Variants in CYP2C19 observed in about 807,000 individuals in gnomAD.
CYP2C19 encodes the protein cytochrome P450 family 2 subfamily C member 19, also known as cytochrome P450 2C19.
In CYP2C19, 59 loss-of-function variants were observed where a neutral mutation model predicts 40.9. That is an observed-to-expected ratio of 1.44 (90% confidence interval 1.17 to 1.79). The LOEUF (loss-of-function observed/expected upper bound fraction) is 1.79. CYP2C19 is among the 40% of genes most tolerant of loss of function. The probability of loss-of-function intolerance (pLI) is 0.00; values close to 1 mark genes in which losing one functional copy is unlikely to be tolerated. For missense variants in CYP2C19, 754 were observed against 596.9 expected, an observed-to-expected ratio of 1.26 and a Z score of -2.74; for synonymous variants, 253 against 208.7, an observed-to-expected ratio of 1.21 and a Z score of -1.83.
intron 3 of CYP2C19, 52 bp from the exon 4 acceptor site, chr10:94,780,447 T>C: frequency 1.3e-6 from 2 of 1,591,818 alleles, no homozygotes; most frequent in African/African-American, 2.7e-5. Flanking sequence ...AAATATGAAG[T>C]GTTTTATATC....
Position 94,775,179 on chromosome 10 carries a change from G to A in CYP2C19, c.290G>A (p.Arg97Lys). 1.2e-6 allele frequency: 2 copies of A among 1,614,134 alleles called. No individual in the cohort carries two copies. Among genetic ancestry groups the A allele is most frequent in the South Asian group, 1.1e-5 (1 of 91,086 alleles). ...GATCTTGGAGAGGAGTTTTCTGGAA[G>A]AGGCCATTTCCCACTGGCTGAAAGA... Reference protein sequence around the residue: ...LIDLGEEFSGRGHFPLAERAN... With the variant: ...LIDLGEEFSGKGHFPLAERAN... Residue 97 changes from arginine (R) to lysine (K), a missense_variant, in exon 2 of 9, where the codon AGA (arginine) becomes AAA (lysine). Coordinates refer to ENST00000371321, the MANE Select transcript of CYP2C19 (RefSeq NM_000769.4).
rs532092372 is a variant in CYP2C19, at chr10:94,829,203, G to A, written c.961+8566G>A. On this transcript the variant is annotated intron_variant, in intron 6 of 8. Transcript: ENST00000371321. ...TTCTCTGTATTTCCTGAATCTGAAC[G>A]TTGGCCTGCCGTGCTAGATTGGGGA... Among the ~76,000 whole-genome samples, 508 of 152,156 alleles carry A rather than the reference G, an allele frequency of 3.3e-3. 4 individuals carry two copies. Among genetic ancestry groups the A allele is most frequent in the African/African-American group, 0.012 (479 of 41,484 alleles).
intron 5 of CYP2C19, among the ~76,000 whole-genome samples, chr10:94,817,299 T>A (rs1360889761): frequency 4.0e-5 from 6 of 151,250 alleles, no homozygotes; most frequent in African/African-American, 1.5e-4. Flanking sequence ...TATCTCATTG[T>A]GGTTTTGATT....
At chr10:94,803,140 G>A (rs946975858) in intron 5 of CYP2C19, among the ~76,000 whole-genome samples, 2 of 152,142 alleles carry the variant, frequency 1.3e-5, no homozygotes, top group African/African-American at 4.8e-5. Context: ...GATATTTCAT[G>A]GTGCCAGAAT....
intron 6 of CYP2C19, among the ~76,000 whole-genome samples, chr10:94,826,280 C>T (rs1033746527): frequency 5.9e-5 from 9 of 152,132 alleles, no homozygotes; most frequent in African/African-American, 1.2e-4. Context: ...TTGATTCTTC[C>T]GACCCATGAG....
chr10:94,850,053 C>T lies in CYP2C19; in HGVS notation c.1286C>T (p.Ser429Leu). The T allele has an allele frequency of 6.2e-7, 1 of 1,613,372 alleles. No individual in the cohort carries two copies. The highest frequency in any genetic ancestry group is 1.1e-5 in the South Asian group (1 of 91,058). Reference protein sequence around the residue: ...FKKSNYFMPFSAGKRICVGEG... With the variant: ...FKKSNYFMPFLAGKRICVGEG... ...AAAAGTAACTACTTCATGCCTTTCT[C>T]AGCAGGTAATATAAATTTATTTCCC... The change falls in exon 8 of 9, where the codon TCA becomes TTA. Residue 429 changes from serine (S) to leucine (L), a missense_variant. By Grantham distance (145) the Ser-to-Leu change is moderately radical (BLOSUM62 -2). Coordinates refer to ENST00000371321, the MANE Select transcript of CYP2C19 (RefSeq NM_000769.4).
chr10:94,791,988 G>A (rs1231074137), intron 5 of CYP2C19, among the ~76,000 whole-genome samples: 1 of 152,098 alleles, frequency 6.6e-6, no homozygotes, highest in Non-Finnish European at 1.5e-5. Context: ...TTATTATTGT[G>A]TGGGAGTCTA....
chr10:94,779,031 C>A (rs1416002720), intron 3 of CYP2C19, among the ~76,000 whole-genome samples: 1 of 152,060 alleles, frequency 6.6e-6, no homozygotes, highest in Admixed American at 6.6e-5. Context: ...CCAAACACTG[C>A]ATGTTCTCAC....
intron 5 of CYP2C19, among the ~76,000 whole-genome samples, chr10:94,788,024 G>A (rs78477802): frequency 1.3e-5 from 2 of 152,016 alleles, no homozygotes; most frequent in Non-Finnish European, 2.9e-5. Context: ...TCATTTGTTA[G>A]TGTAATCTAT....
chr10:94,828,817 A>C lies in CYP2C19; in HGVS notation c.961+8180A>C, dbSNP rs967191406. Among the ~76,000 whole-genome samples, 6 of 151,902 alleles carry C rather than the reference A, an allele frequency of 3.9e-5. No homozygotes were observed. The East Asian group carries it at 7.7e-4, about 20-fold the overall frequency. On this transcript the variant is annotated intron_variant, in intron 6 of 8. Transcript: ENST00000371321. The stretch of plus-strand genomic sequence containing the variant: ...CGGCTGGTACCGGTTGTTCCTTTCC[A>C]TGATTAGTGCTTCCTTCAGGAGTTC...
chr10:94,804,796 A>T (rs141455308), intron 5 of CYP2C19, among the ~76,000 whole-genome samples: 4 of 152,126 alleles, frequency 2.6e-5, no homozygotes, highest in Non-Finnish European at 5.9e-5. Flanking sequence ...TAAGCTTACA[A>T]AGTTGATCTT....
chr10:94,775,859 T>G, intron 3 of CYP2C19: 1 of 401,334 alleles, frequency 2.5e-6, no homozygotes, highest in Non-Finnish European at 4.6e-6. Flanking sequence ...AAGAGCAGTG[T>G]TTTTCCCATT....
chr10:94,804,711 GCT>G (rs908725094), intron 5 of CYP2C19, among the ~76,000 whole-genome samples: 2 of 152,102 alleles, frequency 1.3e-5, no homozygotes, highest in African/African-American at 4.8e-5. Context: ...CCATCATGAG[GCT>G]GTTTGTCCAC....
intron 1 of CYP2C19, among the ~76,000 whole-genome samples, chr10:94,768,258 G>T (rs1263439881): frequency 6.6e-6 from 1 of 152,190 alleles, no homozygotes; most frequent in Non-Finnish European, 1.5e-5. Context: ...ACTGGTCCCT[G>T]TGGGAAGAGG....
chr10:94,816,712 A>G (rs925331449), intron 5 of CYP2C19, among the ~76,000 whole-genome samples: 13 of 140,116 alleles, frequency 9.3e-5, no homozygotes, highest in African/African-American at 2.4e-4. Flanking sequence ...ATATCTCCCA[A>G]TGCTATCCCT....
chr10:94,780,197 G>C (rs985135422), intron 3 of CYP2C19, among the ~76,000 whole-genome samples: 7 of 151,956 alleles, frequency 4.6e-5, no homozygotes, highest in Non-Finnish European at 8.8e-5. Context: ...TCTGAAACTT[G>C]AATTATTTGG....
At position 94,801,854 on chromosome 10, in the gene CYP2C19, G is replaced by A. The variant is rs12218223; in HGVS notation, c.820-18642G>A. On this transcript the variant is annotated intron_variant, in intron 5 of 8. Coordinates refer to ENST00000371321, the MANE Select transcript of CYP2C19 (RefSeq NM_000769.4). The stretch of plus-strand genomic sequence containing the variant: ...GGATTTTGTTCCTTCTGGTGCGTTC[G>A]TGGTCTTGTTGACTTCAGAAATGAA... Among the ~76,000 whole-genome samples the A allele has an allele frequency of 1.9e-3, 291 of 152,234 alleles. 15 individuals carry two copies. The East Asian group carries it at 0.047, about 24-fold the overall frequency.
At chr10:94,821,114 G>GA (rs1347250063) in intron 6 of CYP2C19, among the ~76,000 whole-genome samples, 2 of 151,898 alleles carry the variant, frequency 1.3e-5, no homozygotes, top group African/African-American at 4.8e-5. Flanking sequence ...GAAAAGAAAA[G>GA]AAAAAAAGGA....
At chr10:94,827,385 T>A (rs1849245461) in intron 6 of CYP2C19, among the ~76,000 whole-genome samples, 1 of 151,910 alleles carries the variant, frequency 6.6e-6, no homozygotes, top group Admixed American at 6.6e-5. Flanking sequence ...CCTGGTTTAG[T>A]CTTGGGAGAG....
Sources: allele counts gnomAD v4.1 joint callset (sites outside exome capture counted in the v4.1 genomes callset), GRCh38; gene constraint gnomAD v4.1.1; transcripts MANE v1.5; gene names NCBI Gene and HGNC (gene_info 2026-07-23, HGNC 2026-07-21).